SUFU: variants seen among roughly 807,000 people sequenced by gnomAD.
SUFU encodes SUFU negative regulator of hedgehog signaling.
In SUFU, 7 loss-of-function variants were observed where a neutral mutation model predicts 58.9. The observed-to-expected ratio is 0.12, with a 90% confidence interval of 0.07 to 0.22. SUFU has a LOEUF of 0.22. Among genes scored for constraint, SUFU ranks in the 10% least tolerant of loss-of-function variants. The probability of loss-of-function intolerance (pLI) is 1.00; values close to 1 mark genes in which losing one functional copy is unlikely to be tolerated. For missense variants in SUFU, 451 were observed against 641.3 expected (o/e 0.70, Z 3.20); for synonymous variants, 232 against 254.8 (o/e 0.91, Z 0.85).
chr10:102,584,704 T>C (rs1347815671), intron 3 of SUFU, among the ~76,000 whole-genome samples: 2 of 152,146 alleles, frequency 1.3e-5, no homozygotes, highest in African/African-American at 2.4e-5. Context: ...TATAGTGATA[T>C]GAAGTTGCCT....
chr10:102,549,844 A>T, intron 2 of SUFU, 126 bp from the exon 3 acceptor site: 1 of 1,244,680 alleles, frequency 8.0e-7, no homozygotes, highest in Non-Finnish European at 1.2e-6. Flanking sequence ...ACATCCTGGG[A>T]TACTCCTCTG....
chr10:102,504,105 C>T lies in SUFU; in HGVS notation c.-48C>T. Reference sequence around the variant, plus strand: ...CCCGCTGGCCCGTCAGTGCTCTCCCCGTCGTTTGCCCTCTCCAGTTCCCCC... The same window carrying T: ...CCCGCTGGCCCGTCAGTGCTCTCCCTGTCGTTTGCCCTCTCCAGTTCCCCC... On this transcript the variant is annotated 5_prime_UTR_variant, in exon 1 of 12. Transcript: ENST00000369902. 1 of 1,516,822 alleles carries T rather than the reference C, an allele frequency of 6.6e-7. No homozygotes were observed. The highest frequency in any genetic ancestry group is 8.8e-7 in the Non-Finnish European group (1 of 1,137,468). The allele number at this position is 1,516,822 out of a possible 1,614,324, so 94.0% of individuals were successfully genotyped here. A position where few individuals can be genotyped will look rare whatever the true frequency, so the allele number is the denominator to read the frequency against.
intron 3 of SUFU, chr10:102,573,046 G>C (rs2063178399): frequency 6.9e-6 from 6 of 863,682 alleles, no homozygotes; most frequent in Non-Finnish European, 1.2e-5. Flanking sequence ...TCTTCTGAGG[G>C]TACTTGGGCT....
intron 8 of SUFU, among the ~76,000 whole-genome samples, chr10:102,608,695 G>A (rs995250516): frequency 6.6e-6 from 1 of 152,168 alleles, no homozygotes; most frequent in South Asian, 2.1e-4. Context: ...GTCCCTAGAG[G>A]AGGTCCCCAC....
At position 102,615,335 on chromosome 10, in the gene SUFU, C is replaced by T. The variant is rs1305395503; in HGVS notation, c.1090C>T (p.Arg364Trp). The T allele has an allele frequency of 9.9e-6, 16 of 1,614,152 alleles. No individual in the cohort carries two copies. The highest frequency in any genetic ancestry group is 4.5e-5 in the East Asian group (2 of 44,882). ...AIIPHELIRT[R>W]QLESVHLKFN... ...CATTCCCCATGAGCTGATTCGCACG[C>T]GGCAGCTTGAGAGCGTACATCTGAA... is the stretch of plus-strand genomic sequence containing the variant. The change falls in exon 9 of 12, where the codon CGG becomes TGG. Residue 364 changes from arginine to tryptophan, a missense_variant. Physicochemically the swap from Arg to Trp is moderately radical, Grantham distance 101. Coordinates refer to ENST00000369902, the MANE Select transcript of SUFU (RefSeq NM_016169.4).
chr10:102,505,550 C>T (rs1052314701), intron 1 of SUFU, among the ~76,000 whole-genome samples: 1 of 152,324 alleles, frequency 6.6e-6, no homozygotes, highest in Non-Finnish European at 1.5e-5. Context: ...AGTCTTCCTC[C>T]TGGTGAAAAC....
At chr10:102,612,217 A>ATG (rs56149900) in intron 8 of SUFU, among the ~76,000 whole-genome samples, 67,461 of 146,042 alleles carry the variant, frequency 0.46, 15,499 homozygotes, top group East Asian at 0.68. Flanking sequence ...GTGCACGCGC[A>ATG]TGTGTGTGTG....
intron 8 of SUFU, among the ~76,000 whole-genome samples, chr10:102,608,376 ATATTG>A (rs1394638033): frequency 6.6e-6 from 1 of 152,306 alleles, no homozygotes; most frequent in Admixed American, 6.5e-5. Context: ...AAAGAAAAAG[ATATTG>A]TATGAGCTGT....
At chr10:102,566,955 A>G (rs1009290867) in intron 3 of SUFU, among the ~76,000 whole-genome samples, 1 of 144,084 alleles carries the variant, frequency 6.9e-6, no homozygotes, top group Non-Finnish European at 1.5e-5. Context: ...AAAAAAAAAA[A>G]GTTTATGTTG....
chr10:102,573,027 C>T (rs2063178160), intron 3 of SUFU: 4 of 1,049,466 alleles, frequency 3.8e-6, no homozygotes, highest in East Asian at 4.7e-5. Context: ...GCTTGTTCTC[C>T]GGGGTTGGTC....
At chr10:102,504,392 G>T in intron 1 of SUFU, 58 bp downstream of exon 1, 1 of 1,601,344 alleles carries the variant, frequency 6.2e-7, no homozygotes, top group South Asian at 1.1e-5. Flanking sequence ...TTAAAGCGCC[G>T]AGGGCGAAGT....
chr10:102,600,094 C>A (rs941045241), intron 8 of SUFU, among the ~76,000 whole-genome samples: 1 of 152,148 alleles, frequency 6.6e-6, no homozygotes, highest in Non-Finnish European at 1.5e-5. Flanking sequence ...TGTAGCCCTC[C>A]GGAGAGACTG....
chr10:102,504,676 A>C, intron 1 of SUFU, among the ~76,000 whole-genome samples: 2 of 144,168 alleles, frequency 1.4e-5, no homozygotes. Context: ...GGCGAGGGGA[A>C]GCCAAGCGGG....
At chr10:102,565,478 A>C (rs1212688100) in intron 3 of SUFU, among the ~76,000 whole-genome samples, 1 of 152,186 alleles carries the variant, frequency 6.6e-6, no homozygotes, top group African/African-American at 2.4e-5. Context: ...AAGTTCCTTT[A>C]GCTTCTATAG....
intron 10 of SUFU, among the ~76,000 whole-genome samples, chr10:102,626,157 G>A (rs915680763): frequency 3.3e-5 from 5 of 152,092 alleles, no homozygotes; most frequent in Non-Finnish European, 5.9e-5. Flanking sequence ...ACAGGGAGGG[G>A]GAGGGGTGAA....
At chr10:102,621,571 T>C (rs2063740417) in intron 10 of SUFU, among the ~76,000 whole-genome samples, 1 of 151,996 alleles carries the variant, frequency 6.6e-6, no homozygotes, top group South Asian at 2.1e-4. Flanking sequence ...CTGGCTTTTG[T>C]CTGGCCTGTG....
At chr10:102,586,622 G>A (rs2063338357) in intron 3 of SUFU, among the ~76,000 whole-genome samples, 1 of 152,156 alleles carries the variant, frequency 6.6e-6, no homozygotes, top group Non-Finnish European at 1.5e-5. Flanking sequence ...GCAGTGAGCC[G>A]AGATCACGCC....
intron 10 of SUFU, among the ~76,000 whole-genome samples, chr10:102,621,663 C>A (rs2063741274): frequency 6.6e-6 from 1 of 152,188 alleles, no homozygotes; most frequent in South Asian, 2.1e-4. Context: ...GGTGCCAGAG[C>A]AGCTCCTTGG....
chr10:102,543,022 C>T (rs2062820506), intron 2 of SUFU, among the ~76,000 whole-genome samples: 1 of 152,186 alleles, frequency 6.6e-6, no homozygotes, highest in African/African-American at 2.4e-5. Context: ...GAGTCATTCT[C>T]CTATAAATGG....
Sources: gnomAD v4.1 joint callset for allele counts (sites outside exome capture counted in the v4.1 genomes callset) on GRCh38, gnomAD v4.1.1 for gene constraint, MANE v1.5 for transcripts, NCBI Gene and HGNC (gene_info 2026-07-23, HGNC 2026-07-21) for gene names.